KDM5A: variants seen among roughly 807,000 people sequenced by gnomAD.
KDM5A encodes lysine demethylase 5A.
A neutral mutation model predicts 193.5 loss-of-function variants in KDM5A; 42 were observed. That is an observed-to-expected ratio of 0.22 (90% confidence interval 0.17 to 0.28). The LOEUF is 0.28. Ranked by LOEUF, KDM5A falls within the 10% of genes least tolerant of loss-of-function variation. The pLI is 1.00. For missense variants in KDM5A, 1,692 were observed against 2,055.1 expected (o/e 0.82, Z 3.42); for synonymous variants, 796 against 718.1 (o/e 1.11, Z -1.73).
chr12:307,725 C>T lies in KDM5A; in HGVS notation c.3659G>A (p.Arg1220Lys). 1 of 1,614,192 alleles carries T rather than the reference C, an allele frequency of 6.2e-7. No individual in the cohort carries two copies. Among genetic ancestry groups the T allele is most frequent in the Non-Finnish European group, 8.5e-7 (1 of 1,180,042 alleles). The part of the protein sequence containing the change: ...FLCPLCMRSR[R>K]PRLETILSLL... The stretch of plus-strand genomic sequence containing the variant: ...TGACAGAATAGTCTCTAGCCTGGGC[C>T]TTCGAGACCGCATACAAAGAGGGCA... The change falls in exon 23 of 28, where the codon AGG becomes AAG. Residue 1220 changes from arginine (R) to lysine (K), a missense_variant. This residue lies in a region of KDM5A where 965 missense variants were observed against 1,061.0 expected (regional missense o/e 0.91). Transcript: ENST00000399788. This position sits in a 1 kb window ranked among gnomAD's most constrained non-coding sequence, Gnocchi z 4.3.
chr12:349,417 G>A (rs1188068304), intron 10 of KDM5A, among the ~76,000 whole-genome samples: 2 of 145,192 alleles, frequency 1.4e-5, no homozygotes, highest in Non-Finnish European at 3.0e-5. Context: ...TGCAACCTCC[G>A]CTTCCCAGGT....
At chr12:353,119 T>G (rs1944183966) in intron 8 of KDM5A, among the ~76,000 whole-genome samples, 1 of 151,898 alleles carries the variant, frequency 6.6e-6, no homozygotes, top group African/African-American at 2.4e-5. Context: ...TCAAGGCAGG[T>G]GGACCACTTG....
chr12:386,013 G>A (rs201038084), intron 1 of KDM5A, 39 bp from the exon 2 acceptor site: 2 of 1,501,058 alleles, frequency 1.3e-6, no homozygotes, highest in Non-Finnish European at 1.9e-6. Context: ...ACAGTGGTAT[G>A]TAAACAAGGA....
At chr12:304,212 ATGAC>A (rs1369177968) in intron 24 of KDM5A, among the ~76,000 whole-genome samples, 1 of 152,214 alleles carries the variant, frequency 6.6e-6, no homozygotes, top group African/African-American at 2.4e-5. Flanking sequence ...CTAAGATAAA[ATGAC>A]TGATTTTATT....
intron 14 of KDM5A, among the ~76,000 whole-genome samples, chr12:326,658 G>T (rs573224658): frequency 6.6e-6 from 1 of 152,044 alleles, no homozygotes; most frequent in Non-Finnish European, 1.5e-5. Flanking sequence ...TCAGGAGATC[G>T]AGACCATCCT....
At chr12:329,166 T>C (rs1177465143) in intron 13 of KDM5A, 137 bp from the exon 14 acceptor site, 4 of 741,908 alleles carry the variant, frequency 5.4e-6, no homozygotes, top group East Asian at 5.4e-5. Flanking sequence ...AGAGGCAATA[T>C]TCTATTAACT....
rs547859375 is a variant in KDM5A, at chr12:389,063, G to C, written c.29C>G (p.Ala10Gly). 2.3e-5 allele frequency: 36 copies of C among 1,584,154 alleles called. No individual in the cohort carries two copies. In the South Asian group the frequency reaches 3.8e-4, roughly 17 times the overall value. The change falls in exon 1 of 28, where the codon GCG becomes GGG. Residue 10 changes from alanine (A) to glycine (G), a missense_variant. Physicochemically the swap from Ala to Gly is moderately conservative, Grantham distance 60. Around this residue, in one of 11 missense-constraint regions of KDM5A, gnomAD observed 84 missense variants for 68.2 expected, o/e 1.23. Transcript: ENST00000399788. MAGVGPGGY[A>G]AEFVPPPECP... ...CTCTGGCGGTGGCACGAACTCCGCC[G>C]CGTAGCCCCCCGGCCCCACGCCCGC... is the stretch of plus-strand genomic sequence containing the variant.
In KDM5A at chr12:318,452, C is replaced by T; in HGVS notation, c.2551G>A (p.Asp851Asn). 2 of 1,610,776 alleles carry T rather than the reference C, an allele frequency of 1.2e-6. No homozygotes were observed. Among genetic ancestry groups the T allele is most frequent in the East Asian group, 2.2e-5 (1 of 44,866 alleles). ...CGTTCATGAAACTCTTCCACATCATCTAGCAGATTCTGAAAAGGTCAAAAG... is the reference window on the plus strand; with the variant it reads ...CGTTCATGAAACTCTTCCACATCATTTAGCAGATTCTGAAAAGGTCAAAAG... ...SQARQVKNLL[D>N]DVEEFHERAQ... is the part of the protein sequence containing the mutation. The change falls in exon 19 of 28, where the codon GAT (aspartate) becomes AAT (asparagine). Residue 851 changes from aspartate (D) to asparagine (N), a missense_variant. This residue lies in a region of KDM5A where 965 missense variants were observed against 1,061.0 expected (regional missense o/e 0.91). Transcript: ENST00000399788.
intron 26 of KDM5A, among the ~76,000 whole-genome samples, chr12:293,938 A>G (rs1450416618): frequency 2.7e-5 from 4 of 150,764 alleles, no homozygotes. Context: ...AAAAGGGCAT[A>G]TAAAAAAAAA....
At chr12:371,422 C>T (rs895961455) in intron 3 of KDM5A, among the ~76,000 whole-genome samples, 1 of 152,056 alleles carries the variant, frequency 6.6e-6, no homozygotes, top group African/African-American at 2.4e-5. Context: ...TTTTGAGAAG[C>T]GTCTGTTCAT....
rs759683193 is a variant in KDM5A, at chr12:331,912, G to A, written c.1680C>T (p.Gly560=). The change falls in exon 13 of 28, where the codon GGC becomes GGT. Residue 560 remains glycine (G), a synonymous_variant. Coordinates refer to ENST00000399788, the MANE Select transcript of KDM5A (RefSeq NM_001042603.3). ...VPVYRTNQCA[G]EFVVTFPRAY... is the part of the protein sequence containing the mutation. ...CACGAGGAAATGTCACAACAAACTC[G>A]CCAGCACACTGATTGGTCCTGTACA... The A allele has an allele frequency of 1.9e-6, 3 of 1,613,752 alleles. No individual in the cohort carries two copies. The highest frequency in any genetic ancestry group is 1.7e-5 in the Admixed American group (1 of 59,984).
chr12:316,101 T>C (rs1479104238), intron 19 of KDM5A, among the ~76,000 whole-genome samples: 1 of 152,214 alleles, frequency 6.6e-6, no homozygotes, highest in Non-Finnish European at 1.5e-5. Flanking sequence ...AAGAAAATAA[T>C]GGTAAGTAGT....
chr12:372,098 G>A (rs372671909), intron 3 of KDM5A, among the ~76,000 whole-genome samples: 12 of 151,990 alleles, frequency 7.9e-5, no homozygotes, highest in South Asian at 2.1e-4. Context: ...TTTTGGTTCC[G>A]TATGAACTTT....
At chr12:379,728 G>C (rs988125728) in intron 3 of KDM5A, among the ~76,000 whole-genome samples, 7 of 152,074 alleles carry the variant, frequency 4.6e-5, no homozygotes, top group Non-Finnish European at 1.0e-4. Flanking sequence ...ACAAAGACAA[G>C]ATTCCAATAA....
At chr12:376,442 C>T (rs2159364) in intron 3 of KDM5A, among the ~76,000 whole-genome samples, 1 of 152,108 alleles carries the variant, frequency 6.6e-6, no homozygotes, top group African/African-American at 2.4e-5. Context: ...CACAGTGTTA[C>T]GGTGGGAGTG....
chr12:359,035 G>A (rs1256116931), intron 5 of KDM5A, among the ~76,000 whole-genome samples: 1 of 150,966 alleles, frequency 6.6e-6, no homozygotes, highest in Admixed American at 6.6e-5. Context: ...TAGATCTCTA[G>A]AACAAATTAA....
At chr12:384,674 GA>G (rs201655045) in intron 2 of KDM5A, among the ~76,000 whole-genome samples, 3,479 of 152,264 alleles carry the variant, frequency 0.023, 57 homozygotes, top group Middle Eastern at 0.037. Context: ...AAGTTACTCT[GA>G]TTTATGTAAA....
At chr12:337,699 G>A (rs1371672927) in intron 10 of KDM5A, among the ~76,000 whole-genome samples, 2 of 148,318 alleles carry the variant, frequency 1.3e-5, no homozygotes, top group African/African-American at 5.0e-5. Context: ...CTGGAATGTA[G>A]TGGCACAATC....
intron 14 of KDM5A, among the ~76,000 whole-genome samples, chr12:324,759 G>A (rs1163013854): frequency 6.6e-6 from 1 of 152,040 alleles, no homozygotes; most frequent in East Asian, 1.9e-4. Context: ...TGTAGTCCCA[G>A]CTACTCAGGA....
Sources: gnomAD v4.1 joint callset for allele counts (sites outside exome capture counted in the v4.1 genomes callset) on GRCh38, gnomAD v4.1.1 for gene constraint, gnomAD v4.1.1 regional missense constraint, Gnocchi (gnomAD v3.1) non-coding constraint, MANE v1.5 for transcripts, NCBI Gene and HGNC (gene_info 2026-07-23, HGNC 2026-07-21) for gene names.